MRE11: variants seen among roughly 807,000 people sequenced by gnomAD.
MRE11 encodes MRE11 double strand break repair nuclease, also known as double-strand break repair protein MRE11.
Under a neutral mutation model 91.7 loss-of-function variants are expected in MRE11, and 62 were observed. The observed-to-expected ratio is 0.68, with a 90% confidence interval of 0.55 to 0.84. The LOEUF (loss-of-function observed/expected upper bound fraction) is 0.84. MRE11 is among the 40% of genes least tolerant of loss of function. The pLI, the probability that MRE11 is intolerant of heterozygous loss-of-function variation, is 0.00. For synonymous variants in MRE11, 273 were observed against 271.4 expected (o/e 1.01, Z -0.06); for missense variants, 796 against 852.9 (o/e 0.93, Z 0.83).
chr11:94,443,272 C>G (rs1403844448), intron 16 of MRE11, among the ~76,000 whole-genome samples: 1 of 152,162 alleles, frequency 6.6e-6, no homozygotes, highest in Non-Finnish European at 1.5e-5. Context: ...GAAACTAGTA[C>G]AGTGGTCAAC....
intron 11 of MRE11, among the ~76,000 whole-genome samples, 191 bp downstream of exon 11, chr11:94,463,922 A>C (rs1197196099): frequency 6.6e-6 from 1 of 152,214 alleles, no homozygotes; most frequent in African/African-American, 2.4e-5. Context: ...CTAGAACTTA[A>C]GGTATAATAA....
chr11:94,489,207 A>G (rs1165859098), intron 3 of MRE11, among the ~76,000 whole-genome samples: 2 of 152,096 alleles, frequency 1.3e-5, no homozygotes, highest in Non-Finnish European at 2.9e-5. Context: ...ATCAGGGAAG[A>G]CGTCTCCAAA....
chr11:94,433,186 G>A (rs78817171), intron 18 of MRE11, among the ~76,000 whole-genome samples: 6,463 of 152,198 alleles, frequency 0.042, 250 homozygotes, highest in East Asian at 0.2. Flanking sequence ...AGCCTCCATC[G>A]TCTCTCTTAG....
chr11:94,469,468 G>A (rs1033270366), intron 9 of MRE11, among the ~76,000 whole-genome samples: 9 of 152,238 alleles, frequency 5.9e-5, no homozygotes, highest in Admixed American at 5.9e-4. Context: ...ACTCAGGCCT[G>A]GATCAATCAA....
At chr11:94,451,565 C>T (rs1286427343) in intron 14 of MRE11, among the ~76,000 whole-genome samples, 1 of 151,878 alleles carries the variant, frequency 6.6e-6, no homozygotes, top group African/African-American at 2.4e-5. Flanking sequence ...ATTATGAAAG[C>T]AAATAGAGAC....
intron 11 of MRE11, among the ~76,000 whole-genome samples, chr11:94,463,793 AG>A (rs1946485559): frequency 8.4e-6 from 1 of 118,646 alleles, no homozygotes; most frequent in Non-Finnish European, 1.8e-5. Flanking sequence ...GGGTTGGGGG[AG>A]GGGGGAGGGA....
chr11:94,466,733 T>A (rs1373006568), intron 10 of MRE11, among the ~76,000 whole-genome samples: 2 of 152,200 alleles, frequency 1.3e-5, no homozygotes, highest in Non-Finnish European at 2.9e-5. Context: ...TATACATTTC[T>A]TGGAGATTTT....
the MRE11 span, among the ~76,000 whole-genome samples, chr11:94,507,184 T>C: frequency 1.3e-5 from 2 of 152,216 alleles, no homozygotes; most frequent in South Asian, 4.1e-4. Context: ...CTAACTTTTA[T>C]TTCCATCATT....
the MRE11 span, among the ~76,000 whole-genome samples, chr11:94,509,840 C>T: frequency 2.6e-5 from 4 of 152,300 alleles, no homozygotes; most frequent in Admixed American, 1.3e-4. Context: ...TGATTTTAAA[C>T]AACCTTGCAT....
At chr11:94,475,543 C>T (rs904435101) in intron 7 of MRE11, 1 of 453,744 alleles carries the variant, frequency 2.2e-6, no homozygotes, top group South Asian at 1.6e-5. Flanking sequence ...CTGTCACCAC[C>T]TCACATTTTT....
chr11:94,418,885 G>GT lies in MRE11; in HGVS notation c.*1239dup, dbSNP rs965766138. The GT allele has an allele frequency of 7.8e-5, 18 of 231,046 alleles. 1 individual carries two copies. The highest frequency in any genetic ancestry group is 3.7e-4 in the African/African-American group (17 of 45,384). The allele number at this position is 231,046 out of a possible 1,614,324, so 14.3% of individuals were successfully genotyped here. A position where few individuals can be genotyped will look rare whatever the true frequency, so the allele number is the denominator to read the frequency against. On this transcript the variant is annotated 3_prime_UTR_variant, in exon 20 of 20. Transcript: ENST00000323929. The stretch of plus-strand genomic sequence containing the variant: ...GCTATATGAGGCAGCCACTAACCAA[G>GT]TGTCTGTCTCTTATAATTTGACACA...
chr11:94,445,918 G>A (rs1459223749), intron 15 of MRE11, 25 bp from the exon 16 acceptor site: 1 of 1,530,256 alleles, frequency 6.5e-7, no homozygotes, highest in East Asian at 2.2e-5. Flanking sequence ...AACAGTCAAT[G>A]TACAAGCCTA....
At chr11:94,426,127 C>T (rs1388718023) in intron 19 of MRE11, among the ~76,000 whole-genome samples, 1 of 152,100 alleles carries the variant, frequency 6.6e-6, no homozygotes, top group Non-Finnish European at 1.5e-5. Context: ...ACCAAGTATA[C>T]TCTTGGACTA....
intron 14 of MRE11, among the ~76,000 whole-genome samples, chr11:94,448,351 T>C (rs1946002021): frequency 6.6e-6 from 1 of 151,772 alleles, no homozygotes; most frequent in East Asian, 1.9e-4. Context: ...CCTAGGTGGA[T>C]GGACTGCTTG....
At chr11:94,496,312 A>G (rs1947417639), upstream of MRE11, among the ~76,000 whole-genome samples, 1 of 152,234 alleles carries the variant, frequency 6.6e-6, no homozygotes, top group Admixed American at 6.5e-5. Flanking sequence ...ACCTTTAAGC[A>G]TTCATCACTG....
chr11:94,421,817 C>T (rs12222194), intron 19 of MRE11, among the ~76,000 whole-genome samples: 17,888 of 152,106 alleles, frequency 0.12, 1,161 homozygotes, highest in South Asian at 0.18. Context: ...AAGGCAAATA[C>T]TATATGATTC....
intron 9 of MRE11, among the ~76,000 whole-genome samples, chr11:94,469,470 A>C (rs1465593922): frequency 6.6e-6 from 1 of 152,168 alleles, no homozygotes; most frequent in South Asian, 2.1e-4. Context: ...TCAGGCCTGG[A>C]TCAATCAATG....
chr11:94,451,689 CAAAG>C (rs1351455913), intron 14 of MRE11, among the ~76,000 whole-genome samples: 1 of 151,808 alleles, frequency 6.6e-6, no homozygotes, highest in Admixed American at 6.6e-5. Flanking sequence ...ATTAATGGAA[CAAAG>C]AAAGAAAAAA....
rs181766424 is a variant in MRE11, at chr11:94,445,400, C to T, written c.1867+410G>A. On this transcript the variant is annotated intron_variant, in intron 16 of 19. Transcript: ENST00000323929. ...TCTTGGCTCACTGCAACCTCCAGTT[C>T]CTGGGTTCAAGTGATTCTCCTGCCT... 9.8e-5 allele frequency among the ~76,000 whole-genome samples: 15 copies of T among 152,324 alleles called. No individual in the cohort carries two copies. The East Asian group carries it at 2.9e-3, about 29-fold the overall frequency.
Sources: gnomAD v4.1 joint callset for allele counts (sites outside exome capture counted in the v4.1 genomes callset) on GRCh38, gnomAD v4.1.1 for gene constraint, MANE v1.5 for transcripts, NCBI Gene and HGNC (gene_info 2026-07-23, HGNC 2026-07-21) for gene names.